ATP2A2: variants seen among roughly 807,000 people sequenced by gnomAD.
ATP2A2 encodes ATPase sarcoplasmic/endoplasmic reticulum Ca2+ transporting 2.
A neutral mutation model predicts 109.3 loss-of-function variants in ATP2A2; 14 were observed. The observed-to-expected ratio is 0.13, with a 90% CI of 0.08 to 0.20. The LOEUF is 0.20. ATP2A2 is among the 10% of genes least tolerant of loss of function. The probability of loss-of-function intolerance (pLI) is 1.00; values close to 1 mark genes in which losing one functional copy is unlikely to be tolerated. For missense variants in ATP2A2, 657 were observed against 1,321.6 expected (o/e 0.50, Z 7.80); for synonymous variants, 506 against 490.9 (o/e 1.03, Z -0.41).
chr12:110,313,814 G>A (rs1876368801), intron 5 of ATP2A2, among the ~76,000 whole-genome samples: 1 of 149,854 alleles, frequency 6.7e-6, no homozygotes, highest in African/African-American at 2.5e-5. Context: ...GGGTTCAAGC[G>A]ATTCTTCTGC....
At chr12:110,293,858 G>GTATA (rs1873640933) in intron 4 of ATP2A2, among the ~76,000 whole-genome samples, 1 of 123,448 alleles carries the variant, frequency 8.1e-6, no homozygotes, top group African/African-American at 3.4e-5. Flanking sequence ...GTGTGTGTGT[G>GTATA]TGTGTGTATA....
At chr12:110,326,098 T>G (rs1877775354) in intron 6 of ATP2A2, 1 of 447,980 alleles carries the variant, frequency 2.2e-6, no homozygotes, top group Admixed American at 3.4e-5. Context: ...TACTGAAAAA[T>G]AAATTAATTT....
In ATP2A2 at chr12:110,346,839, G is replaced by GT. The variant is rs949135120; in HGVS notation, c.*377dup. The GT allele has an allele frequency of 5.0e-5, 56 of 1,116,624 alleles. No individual in the cohort carries two copies. The highest frequency in any genetic ancestry group is 9.7e-5 in the Admixed American group (2 of 20,542). The allele number at this position is 1,116,624 out of a possible 1,614,324, so 69.2% of individuals were successfully genotyped here. A position where few individuals can be genotyped will look rare whatever the true frequency, so the allele number is the denominator to read the frequency against. ...AGATTTTAGGAAATGAATGTGTGTG[G>GT]TTTTTTTTCTAAAACTAAATAGCAT... On this transcript the variant is annotated 3_prime_UTR_variant, in exon 20 of 20. Transcript: ENST00000539276.
chr12:110,330,689 A>T (rs1228790395), intron 8 of ATP2A2: 5 of 151,978 alleles, frequency 3.3e-5, no homozygotes, highest in Admixed American at 2.6e-4. Flanking sequence ...ATGTTTTCTT[A>T]TAATAAAGAA....
Position 110,350,248 on chromosome 12 carries a change from CTCTG to C in ATP2A2, c.*3780_*3783del, listed in dbSNP as rs750870955. The C allele has an allele frequency of 2.0e-5, 32 of 1,614,102 alleles. No individual in the cohort carries two copies. Among genetic ancestry groups the C allele is most frequent in the African/African-American group, 2.7e-5 (2 of 74,924 alleles). On this transcript the variant is annotated 3_prime_UTR_variant, in exon 20 of 20. Transcript: ENST00000539276. The stretch of plus-strand genomic sequence containing the variant: ...TTAAATAGGTATTCTAACGTTTCCT[CTCTG>C]TATTTCATGAAGCTGATTTCCTCTC...
rs1182136425 is a variant in ATP2A2, at chr12:110,327,089, G to T, written c.631-464G>T. Reference sequence around the variant, plus strand: ...CTCTTATAACACTAGGAATTAAAGTGGCATGGGAGAGACTGCTCACATTTG... The same window carrying T: ...CTCTTATAACACTAGGAATTAAAGTTGCATGGGAGAGACTGCTCACATTTG... On this transcript the variant is annotated intron_variant, in intron 7 of 19. Transcript: ENST00000539276. This position sits in a 1 kb window ranked among gnomAD's most constrained non-coding sequence, Gnocchi z 4.4. Among the ~76,000 whole-genome samples, 2 of 152,162 alleles carry T rather than the reference G, an allele frequency of 1.3e-5. No homozygotes were observed. The highest frequency in any genetic ancestry group is 2.9e-5 in the Non-Finnish European group (2 of 68,032).
chr12:110,286,273 G>C (rs537969627), intron 3 of ATP2A2, among the ~76,000 whole-genome samples: 2 of 152,226 alleles, frequency 1.3e-5, no homozygotes, highest in East Asian at 3.9e-4. Context: ...TGTTTCAGTA[G>C]AATTTTCTGA....
intron 11 of ATP2A2, chr12:110,334,367 G>A (rs546164165): frequency 5.0e-5 from 29 of 582,964 alleles, no homozygotes; most frequent in Non-Finnish European, 7.3e-5. Context: ...CGACCCTCTG[G>A]GCCCACAGGG....
intron 4 of ATP2A2, among the ~76,000 whole-genome samples, chr12:110,293,687 C>T (rs1873604268): frequency 6.6e-6 from 1 of 151,586 alleles, no homozygotes; most frequent in Non-Finnish European, 1.5e-5. Flanking sequence ...TGAGCCACCA[C>T]GCCCGACACA....
chr12:110,341,094 G>T, intron 14 of ATP2A2, 100 bp downstream of exon 14: 1 of 1,298,694 alleles, frequency 7.7e-7, no homozygotes. Flanking sequence ...TCCCTAATTT[G>T]GAATTTGTCA....
chr12:110,287,974 T>G (rs1872834280), intron 3 of ATP2A2, among the ~76,000 whole-genome samples: 1 of 151,578 alleles, frequency 6.6e-6, no homozygotes, highest in South Asian at 2.1e-4. Context: ...TAGGGTCTCC[T>G]GTCGCCCAGC....
At chr12:110,338,714 A>G (rs754067667) in intron 11 of ATP2A2, among the ~76,000 whole-genome samples, 2 of 152,158 alleles carry the variant, frequency 1.3e-5, no homozygotes, top group Non-Finnish European at 2.9e-5. Flanking sequence ...ACCTTCAGCC[A>G]ATTCTTGACA....
At chr12:110,300,678 T>C (rs1874534696) in intron 5 of ATP2A2, among the ~76,000 whole-genome samples, 1 of 139,958 alleles carries the variant, frequency 7.1e-6, no homozygotes. Context: ...AAAGATGGGG[T>C]CTTGCTTTGT....
intron 10 of ATP2A2, 101 bp from the exon 11 acceptor site, chr12:110,333,911 A>G (rs1878581633): frequency 6.5e-7 from 1 of 1,531,442 alleles, no homozygotes; most frequent in Admixed American, 1.7e-5. Context: ...CAGTGTTGTA[A>G]TAGAGGACAG....
rs911703768 is a variant in ATP2A2, at chr12:110,281,676, G to A, written c.-114G>A. The A allele has an allele frequency of 7.7e-5, 47 of 611,068 alleles. No individual in the cohort carries two copies. Among genetic ancestry groups the A allele is most frequent in the Non-Finnish European group, 1.2e-4 (46 of 395,580 alleles). 37.9% of individuals were successfully genotyped at this position (611,068 alleles called of 1,614,324 possible). On this transcript the variant is annotated 5_prime_UTR_variant, in exon 1 of 20. Coordinates refer to ENST00000539276, the MANE Select transcript of ATP2A2 (RefSeq NM_170665.4). ...GGAAGCGGCCGCAAGAGGAGGAGGG[G>A]AGAGCCCGTCCGCGCCTGGGCTCCC...
chr12:110,323,245 C>T (rs978658912), intron 6 of ATP2A2, among the ~76,000 whole-genome samples, 173 bp downstream of exon 6: 3 of 152,186 alleles, frequency 2.0e-5, no homozygotes, highest in Non-Finnish European at 2.9e-5. Flanking sequence ...AGTGCAGTGG[C>T]GTGATTGCGG....
intron 11 of ATP2A2, among the ~76,000 whole-genome samples, chr12:110,338,374 T>A (rs777590282): frequency 6.6e-6 from 1 of 152,270 alleles, no homozygotes; most frequent in Non-Finnish European, 1.5e-5. Context: ...TGGACAGCTC[T>A]GCTTGGGGCC....
chr12:110,345,885 G>A lies in ATP2A2; in HGVS notation c.2742-116G>A, dbSNP rs114124065. 2,962 of 1,011,794 alleles carry A rather than the reference G, an allele frequency of 2.9e-3. 70 individuals are homozygous for A. In the African/African-American group the frequency reaches 0.041, roughly 14 times the overall value. 62.7% of individuals were successfully genotyped at this position (1,011,794 alleles called of 1,614,324 possible). On this transcript the variant is annotated intron_variant, in intron 18 of 19. Transcript: ENST00000539276. ...CTGTAGAAAGTGGAGGTAGGTCAGC[G>A]GATGGTGCCACATTAACAGCCGCCT...
At chr12:110,300,247 G>GAGTA (rs1179318655) in intron 5 of ATP2A2, among the ~76,000 whole-genome samples, 2 of 143,884 alleles carry the variant, frequency 1.4e-5, no homozygotes, top group Non-Finnish European at 3.0e-5. Context: ...GGCTACAGTG[G>GAGTA]AGTAGTGTGA....
Sources: gnomAD v4.1 joint callset for allele counts (sites outside exome capture counted in the v4.1 genomes callset) on GRCh38, gnomAD v4.1.1 for gene constraint, Gnocchi (gnomAD v3.1) non-coding constraint, MANE v1.5 for transcripts, NCBI Gene and HGNC (gene_info 2026-07-23, HGNC 2026-07-21) for gene names.